The following EPHB2 variants were observed in gnomAD, a reference collection of about 807,000 sequenced individuals.
EPHB2 encodes ephrin type-B receptor 2.
A neutral mutation model predicts 96.4 loss-of-function variants in EPHB2; 18 were observed. The ratio of observed to expected loss-of-function variants is 0.19; its 90% CI spans 0.13 to 0.28. EPHB2 has a LOEUF of 0.28. Among genes scored for constraint, EPHB2 ranks in the 10% least tolerant of loss-of-function variants. The pLI, the probability that EPHB2 is intolerant of heterozygous loss-of-function variation, is 1.00. For synonymous variants in EPHB2, 506 were observed against 534.1 expected (o/e 0.95, Z 0.72); for missense variants, 989 against 1,355.4 (o/e 0.73, Z 4.25).
At chr1:22,725,294 G>A (rs749680995) in intron 1 of EPHB2, among the ~76,000 whole-genome samples, 1 of 151,988 alleles carries the variant, frequency 6.6e-6, no homozygotes, top group Non-Finnish European at 1.5e-5. Context: ...GGTGAATGAC[G>A]GGCAGGTTGA....
intron 3 of EPHB2, among the ~76,000 whole-genome samples, chr1:22,859,717 C>T (rs6663298): frequency 0.017 from 2,527 of 152,050 alleles, 64 homozygotes; most frequent in African/African-American, 0.057. Flanking sequence ...CGCTTGAACC[C>T]GGGAGATGGA....
chr1:22,783,052 G>A (rs1321629734), intron 2 of EPHB2, among the ~76,000 whole-genome samples: 1 of 152,154 alleles, frequency 6.6e-6, no homozygotes, highest in Non-Finnish European at 1.5e-5. Context: ...AGGGAGAAAT[G>A]ACTTGCCCAA....
At chr1:22,890,575 AC>A (rs1639358561) in intron 6 of EPHB2, among the ~76,000 whole-genome samples, 1 of 151,282 alleles carries the variant, frequency 6.6e-6, no homozygotes, top group Admixed American at 6.6e-5. Flanking sequence ...CATTCCAGTG[AC>A]CCCCACTCAC....
intron 1 of EPHB2, among the ~76,000 whole-genome samples, chr1:22,766,310 T>C (rs936597835): frequency 7.9e-5 from 12 of 152,176 alleles, no homozygotes; most frequent in Admixed American, 5.2e-4. Flanking sequence ...GCTAGCACAG[T>C]GCCTGGTACA....
intron 1 of EPHB2, among the ~76,000 whole-genome samples, chr1:22,731,177 T>C (rs931638344): frequency 6.6e-6 from 1 of 152,186 alleles, no homozygotes; most frequent in African/African-American, 2.4e-5. Flanking sequence ...GTATTGACAA[T>C]GCGATCTCCT....
At chr1:22,741,265 G>T (rs769576398) in intron 1 of EPHB2, among the ~76,000 whole-genome samples, 1 of 151,956 alleles carries the variant, frequency 6.6e-6, no homozygotes, top group Admixed American at 6.6e-5. Context: ...GGGGCTGCTG[G>T]GATCTGTCTT....
intron 1 of EPHB2, among the ~76,000 whole-genome samples, chr1:22,767,049 T>C (rs1644316992): frequency 6.6e-6 from 1 of 152,246 alleles, no homozygotes; most frequent in Admixed American, 6.5e-5. Flanking sequence ...GTTTGTGGGC[T>C]TAGCACAAGG....
Position 22,907,951 on chromosome 1 carries a change from A to C in EPHB2, c.2137-2A>C. Reference sequence around the variant, plus strand: ...TCTGTGTTTTCCCCACTTCTCCCAAAGCAAAACGATGGGCAGTTCACAGTC... The same window carrying C: ...TCTGTGTTTTCCCCACTTCTCCCAACGCAAAACGATGGGCAGTTCACAGTC... On this transcript the variant is annotated splice_acceptor_variant, in intron 11 of 15. Coordinates refer to ENST00000374630, the MANE Select transcript of EPHB2 (RefSeq NM_017449.5). LOFTEE classifies it high-confidence loss of function. The C allele has an allele frequency of 6.2e-7, 1 of 1,614,200 alleles. No homozygotes were observed. Among genetic ancestry groups the C allele is most frequent in the Non-Finnish European group, 8.5e-7 (1 of 1,180,026 alleles).
chr1:22,723,288 C>T (rs913367712), intron 1 of EPHB2, among the ~76,000 whole-genome samples: 1 of 152,248 alleles, frequency 6.6e-6, no homozygotes, highest in East Asian at 1.9e-4. Context: ...GTCCAGAGCC[C>T]GCAGGGCCTT....
At chr1:22,878,679 A>G (rs1441263226) in intron 5 of EPHB2, among the ~76,000 whole-genome samples, 1 of 152,224 alleles carries the variant, frequency 6.6e-6, no homozygotes, top group Non-Finnish European at 1.5e-5. Flanking sequence ...CAGCAAGGCT[A>G]AAAGTACCTG....
At chr1:22,764,891 C>A (rs1255326407) in intron 1 of EPHB2, among the ~76,000 whole-genome samples, 8 of 152,168 alleles carry the variant, frequency 5.3e-5, no homozygotes, top group African/African-American at 1.9e-4. Flanking sequence ...GTGGCAGATA[C>A]AAGAACTGCT....
intron 3 of EPHB2, among the ~76,000 whole-genome samples, chr1:22,845,987 A>G (rs950399317): frequency 6.6e-6 from 1 of 152,118 alleles, no homozygotes; most frequent in Non-Finnish European, 1.5e-5. Context: ...TGGGGATGGG[A>G]GTATTTTAAA....
rs1434323634 is a variant in EPHB2 at position 22,847,574 on chromosome 1, G to A, written c.812-15463G>A. Among the ~76,000 whole-genome samples the A allele has an allele frequency of 2.0e-5, 3 of 152,206 alleles. No homozygotes were observed. The South Asian group carries it at 6.2e-4, about 31-fold the overall frequency. On this transcript the variant is annotated intron_variant, in intron 3 of 15. Coordinates refer to ENST00000374630, the MANE Select transcript of EPHB2 (RefSeq NM_017449.5). ...GGGGAGAGGGCCATCTGAGGCCAGGGCAGGTGGGCTGGAGTGTGAGGGGCC... is the reference window on the plus strand; with the variant it reads ...GGGGAGAGGGCCATCTGAGGCCAGGACAGGTGGGCTGGAGTGTGAGGGGCC...
At chr1:22,891,251 C>T (rs886094762) in intron 6 of EPHB2, 1 of 454,414 alleles carries the variant, frequency 2.2e-6, no homozygotes, top group Non-Finnish European at 4.4e-6. Flanking sequence ...GCTATAAAGC[C>T]TGTAATAACA....
In EPHB2 at chr1:22,729,533, T is replaced by C. The variant is rs1335675620; in HGVS notation, c.61+18490T>C. Among the ~76,000 whole-genome samples the C allele has an allele frequency of 2.6e-5, 4 of 152,232 alleles. No homozygotes were observed. The East Asian group carries it at 7.7e-4, about 29-fold the overall frequency. ...CTAATTTCCATCACCCACCTCAGTC[T>C]AGGGGTTCTAGCCACTCTGGCCTTT... On this transcript the variant is annotated intron_variant, in intron 1 of 15. Transcript: ENST00000374630.
At chr1:22,774,647 G>A in intron 1 of EPHB2, 1 of 984,836 alleles carries the variant, frequency 1.0e-6, no homozygotes, top group Non-Finnish European at 1.2e-6. Context: ...AAGGTAATTA[G>A]CTGGCCTGCT....
In EPHB2 at chr1:22,828,631, C is replaced by T. The variant is rs756054588; in HGVS notation, c.812-34406C>T. ...CCAAGATGACAGGCTCACGTGACAT[C>T]ACAGTCACCGCCTGTCACGGCCACA... On this transcript the variant is annotated intron_variant, in intron 3 of 15. Transcript: ENST00000374630. Among the ~76,000 whole-genome samples, 308 of 152,300 alleles carry T rather than the reference C, an allele frequency of 2.0e-3. 7 individuals carry two copies. Among genetic ancestry groups the T allele is most frequent in the Middle Eastern group, 6.8e-3 (2 of 294 alleles).
intron 6 of EPHB2, among the ~76,000 whole-genome samples, chr1:22,892,336 A>G (rs902683928): frequency 1.3e-5 from 2 of 152,222 alleles, no homozygotes; most frequent in Admixed American, 6.5e-5. Context: ...ACCACTCAAT[A>G]CATGCATATT....
At chr1:22,782,483 C>A (rs988409378) in intron 2 of EPHB2, among the ~76,000 whole-genome samples, 1 of 141,428 alleles carries the variant, frequency 7.1e-6, no homozygotes, top group Non-Finnish European at 1.5e-5. Flanking sequence ...GGCCTGTGCT[C>A]TCAATAGGCA....
Sources: gnomAD v4.1 joint callset for allele counts (sites outside exome capture counted in the v4.1 genomes callset) on GRCh38, gnomAD v4.1.1 for gene constraint, MANE v1.5 for transcripts, NCBI Gene and HGNC (gene_info 2026-07-23, HGNC 2026-07-21) for gene names.